The following ANK2 variants were observed in gnomAD, a reference collection of about 807,000 sequenced individuals.
The protein encoded by ANK2 is ankyrin-2.
In ANK2, 83 loss-of-function variants were observed where a neutral mutation model predicts 360.5. The ratio of observed to expected loss-of-function variants is 0.23; its 90% CI spans 0.19 to 0.28. The LOEUF is 0.28. Ranked by LOEUF, ANK2 falls within the 10% of genes least tolerant of loss-of-function variation. ANK2 has a pLI of 1.00. For missense variants in ANK2, 4,201 were observed against 4,795.7 expected (o/e 0.88, Z 3.66); for synonymous variants, 1,740 against 1,759.5 (o/e 0.99, Z 0.28).
Position 113,318,533 on chromosome 4 carries a change from A to T in ANK2, c.2813A>T (p.Lys938Met), listed in dbSNP as rs778597568. 20 of 1,613,650 alleles carry T rather than the reference A, an allele frequency of 1.2e-5. No individual in the cohort carries two copies. The highest frequency in any genetic ancestry group is 1.7e-5 in the Admixed American group (1 of 59,962). Residue 938 changes from lysine to methionine, a missense_variant, in exon 26 of 46, where the codon AAG becomes ATG. Physicochemically the swap from Lys to Met is moderately conservative, Grantham distance 95. Transcript: ENST00000357077. ...TGTGTTTAGGTGTCAACTCTAGCCA[A>T]GGAGGCAGAAAGGAATTCTTATCGC... ...IPSHQVSTLA[K>M]EAERNSYRLS...
At chr4:113,056,390 G>T (rs1331196581) in intron 1 of ANK2, among the ~76,000 whole-genome samples, 1 of 152,090 alleles carries the variant, frequency 6.6e-6, no homozygotes, top group Non-Finnish European at 1.5e-5. Context: ...CATTAAAATA[G>T]ACTTGAAATT....
chr4:112,835,202 A>G (rs1009174413), intron 1 of ANK2, among the ~76,000 whole-genome samples: 1 of 152,202 alleles, frequency 6.6e-6, no homozygotes, highest in African/African-American at 2.4e-5. Context: ...GGATTACAAA[A>G]CGATTTTTAA....
chr4:112,724,810 A>T, the ANK2 span, among the ~76,000 whole-genome samples: 1 of 152,214 alleles, frequency 6.6e-6, no homozygotes, highest in African/African-American at 2.4e-5. Flanking sequence ...TAGAGGGATA[A>T]ATATACTTCT....
chr4:113,265,171 C>T (rs1228438730), intron 14 of ANK2, among the ~76,000 whole-genome samples, 176 bp downstream of exon 14: 2 of 151,950 alleles, frequency 1.3e-5, no homozygotes, highest in African/African-American at 4.8e-5. Flanking sequence ...CAATTACACA[C>T]GACGAAAAAT....
intron 1 of ANK2, 66 bp downstream of exon 1, chr4:113,049,878 A>G (rs1381555842): frequency 1.3e-6 from 2 of 1,563,778 alleles, no homozygotes; most frequent in Non-Finnish European, 1.8e-6. Context: ...TGAGTGTGTA[A>G]TATCAGCAAG....
At chr4:112,928,833 A>G (rs186456082) in intron 2 of ANK2, among the ~76,000 whole-genome samples, 1 of 151,968 alleles carries the variant, frequency 6.6e-6, no homozygotes, top group Admixed American at 6.6e-5. Context: ...TCTTTTGTTT[A>G]ACCCACTCAT....
At chr4:112,757,770 G>T in the ANK2 span, among the ~76,000 whole-genome samples, 5 of 152,230 alleles carry the variant, frequency 3.3e-5, no homozygotes, top group South Asian at 8.3e-4. Flanking sequence ...TGTGTTTGTA[G>T]TCATATCATT....
chr4:113,074,677 G>A (rs910325405), intron 1 of ANK2, among the ~76,000 whole-genome samples: 2 of 152,038 alleles, frequency 1.3e-5, no homozygotes, highest in East Asian at 1.9e-4. Context: ...AATTTTGATC[G>A]GCAGAGATAG....
chr4:112,866,026 A>G (rs2070381970), intron 1 of ANK2, among the ~76,000 whole-genome samples: 1 of 152,340 alleles, frequency 6.6e-6, no homozygotes, highest in South Asian at 2.1e-4. Flanking sequence ...ACTGTGCTAC[A>G]TGTATGCAGC....
At chr4:112,961,387 A>G (rs989446903) in intron 2 of ANK2, among the ~76,000 whole-genome samples, 7 of 152,190 alleles carry the variant, frequency 4.6e-5, no homozygotes, top group Admixed American at 1.3e-4. Context: ...AGAAATAACT[A>G]CTAAAGAGAA....
intron 1 of ANK2, among the ~76,000 whole-genome samples, chr4:113,138,059 G>A (rs1210084936): frequency 6.6e-6 from 1 of 152,116 alleles, no homozygotes; most frequent in Non-Finnish European, 1.5e-5. Context: ...TTTCCAGAGA[G>A]AACAAATGAT....
chr4:112,860,800 G>A (rs2067758828), intron 1 of ANK2, among the ~76,000 whole-genome samples: 1 of 151,940 alleles, frequency 6.6e-6, no homozygotes, highest in Non-Finnish European at 1.5e-5. Flanking sequence ...TCAGGGTTGG[G>A]TGACTGGGGC....
intron 1 of ANK2, among the ~76,000 whole-genome samples, chr4:112,852,725 A>G (rs1479156758): frequency 6.6e-6 from 1 of 152,236 alleles, no homozygotes; most frequent in Non-Finnish European, 1.5e-5. Flanking sequence ...CTTGTTGGAT[A>G]ATAATACCCT....
chr4:113,150,939 G>A lies in ANK2; in HGVS notation c.85-23477G>A, dbSNP rs115369653. On this transcript the variant is annotated intron_variant, in intron 1 of 45. Transcript: ENST00000357077. The stretch of plus-strand genomic sequence containing the variant: ...AGGAGAATCAATTAGGTTGTAGTCT[G>A]CATATCATAAGCTCTATTTTCTTTG... 440 of 563,440 alleles carry A rather than the reference G, an allele frequency of 7.8e-4. 1 individual carries two copies. In the African/African-American group the frequency reaches 8.3e-3, roughly 11 times the overall value. The allele number at this position is 563,440 out of a possible 1,614,324, so 34.9% of individuals were successfully genotyped here. A position where few individuals can be genotyped will look rare whatever the true frequency, so the allele number is the denominator to read the frequency against.
intron 1 of ANK2, among the ~76,000 whole-genome samples, chr4:112,887,617 CAT>C (rs1302539535): frequency 6.6e-6 from 1 of 152,030 alleles, no homozygotes; most frequent in Non-Finnish European, 1.5e-5. Flanking sequence ...TGTATTTACT[CAT>C]GTGCAGATAG....
intron 8 of ANK2, among the ~76,000 whole-genome samples, chr4:113,241,593 A>G (rs892891908): frequency 2.0e-5 from 3 of 152,242 alleles, no homozygotes; most frequent in South Asian, 2.1e-4. Context: ...TCCCACCTCA[A>G]CTTCCCAAAG....
chr4:113,211,034 A>C (rs2099015353), intron 4 of ANK2, among the ~76,000 whole-genome samples: 2 of 152,258 alleles, frequency 1.3e-5, no homozygotes. Context: ...AGTGGAAATA[A>C]GTATTGCTCA....
intron 1 of ANK2, among the ~76,000 whole-genome samples, chr4:113,087,472 A>T (rs569306648): frequency 1.2e-4 from 19 of 152,160 alleles, no homozygotes; most frequent in Non-Finnish European, 2.6e-4. Context: ...TATTCTATAG[A>T]AATTTAAAGT....
At chr4:112,911,580 G>A (rs1304295599) in intron 2 of ANK2, among the ~76,000 whole-genome samples, 2 of 152,078 alleles carry the variant, frequency 1.3e-5, no homozygotes, top group East Asian at 3.9e-4. Flanking sequence ...ACTTCAGCCT[G>A]TTGAATAGCT....
Sources: allele counts gnomAD v4.1 joint callset (sites outside exome capture counted in the v4.1 genomes callset), GRCh38; gene constraint gnomAD v4.1.1; transcripts MANE v1.5; gene names NCBI Gene and HGNC (gene_info 2026-07-23, HGNC 2026-07-21).